The following MDN1 variants were observed in gnomAD, a reference collection of about 807,000 sequenced individuals.
MDN1 encodes midasin.
A neutral mutation model predicts 669.2 loss-of-function variants in MDN1; 266 were observed. The observed-to-expected ratio is 0.40, with a 90% confidence interval of 0.36 to 0.44. MDN1 has a LOEUF of 0.44. Among genes scored for constraint, MDN1 ranks in the 20% least tolerant of loss-of-function variants. MDN1 has a pLI of 1.00. For missense variants in MDN1, 5,940 were observed against 6,754.0 expected, an observed-to-expected ratio of 0.88 and a Z score of 4.22; for synonymous variants, 2,385 against 2,457.1, an observed-to-expected ratio of 0.97 and a Z score of 0.87.
intron 66 of MDN1, 119 bp from the exon 67 acceptor site, chr6:89,688,292 GAA>G: frequency 1.3e-6 from 1 of 798,814 alleles, no homozygotes; most frequent in Non-Finnish European, 1.9e-6. Context: ...AAACACCTCT[GAA>G]AAAAAAAACA....
chr6:89,687,868 A>G (rs1246201987), intron 67 of MDN1, among the ~76,000 whole-genome samples: 1 of 152,196 alleles, frequency 6.6e-6, no homozygotes, highest in Non-Finnish European at 1.5e-5. Context: ...TAGATACTGC[A>G]TCCCACTGGA....
chr6:89,743,169 CAG>C lies in MDN1; in HGVS notation c.4427_4428del (p.Ser1476CysfsTer10). On this transcript the variant is annotated frameshift_variant, in exon 31 of 102. Transcript: ENST00000369393. LOFTEE classifies it high-confidence loss of function. ...ACGTACCTGTTGAGTCTTTCCAAGA[CAG>C]AGTCATCGGCCAATGAGATCTCATC... Reference protein sequence around the residue: ...LLDEISLADDSVLERLNSVLE... With the variant: ...LLDEISLADDXVLERLNSVLE... The C allele has an allele frequency of 6.2e-7, 1 of 1,614,104 alleles. No homozygotes were observed. The highest frequency in any genetic ancestry group is 8.5e-7 in the Non-Finnish European group (1 of 1,180,012).
In MDN1 at chr6:89,668,143, G is replaced by A. The variant is rs1465399504; in HGVS notation, c.13965C>T (p.Cys4655=). 2.5e-6 allele frequency: 4 copies of A among 1,613,682 alleles called. No individual in the cohort carries two copies. The highest frequency in any genetic ancestry group is 3.4e-6 in the Non-Finnish European group (4 of 1,179,816). ...VFTELAQKGF[C]LPKEFMEDSA... Reference sequence around the variant, plus strand: ...AATCTTCCATAAATTCTTTGGGCAAGCAAAATCCCTTAGAAAAAAGAAAAA... The same window carrying A: ...AATCTTCCATAAATTCTTTGGGCAAACAAAATCCCTTAGAAAAAAGAAAAA... Residue 4655 remains cysteine, a synonymous_variant, in exon 84 of 102, where the codon TGC becomes TGT. Coordinates refer to ENST00000369393, the MANE Select transcript of MDN1 (RefSeq NM_014611.3).
intron 83 of MDN1, among the ~76,000 whole-genome samples, chr6:89,670,194 A>T (rs1810643765): frequency 4.9e-5 from 2 of 40,658 alleles, no homozygotes; most frequent in African/African-American, 2.5e-4. Context: ...TTTTTTTGAG[A>T]TGCAGTTTTG....
At chr6:89,712,554 C>T in intron 48 of MDN1, 21 bp downstream of exon 48, 28 of 1,607,036 alleles carry the variant, frequency 1.7e-5, no homozygotes, top group East Asian at 2.2e-5. Flanking sequence ...ACCAGAGACA[C>T]AAGCTGAAGG....
Position 89,810,888 on chromosome 6 carries a change from C to T in MDN1, c.103-7334G>A, listed in dbSNP as rs530117482. ...TGGCACACACCTGTAATCCCAGCTG[C>T]TGAGGCAGGAGAATTGCTTGAACCA... On this transcript the variant is annotated intron_variant, in intron 1 of 101. Transcript: ENST00000369393. Among the ~76,000 whole-genome samples the T allele has an allele frequency of 2.6e-5, 4 of 152,274 alleles. No homozygotes were observed. In the East Asian group the frequency reaches 5.8e-4, roughly 22 times the overall value.
intron 97 of MDN1, among the ~76,000 whole-genome samples, chr6:89,649,612 A>AC (rs1808714975): frequency 6.6e-6 from 1 of 152,238 alleles, no homozygotes; most frequent in South Asian, 2.1e-4. Flanking sequence ...CTAGATACCT[A>AC]CCTAAACTAT....
At position 89,668,047 on chromosome 6, in the gene MDN1, C is replaced by A. The variant is rs773202076; in HGVS notation, c.14061G>T (p.Lys4687Asn). 1.9e-6 allele frequency: 3 copies of A among 1,614,122 alleles called. No homozygotes were observed. The East Asian group carries it at 6.7e-5, about 36-fold the overall frequency. Reference protein sequence around the residue: ...GGGIGEGEGMKDVSDQIGNEE... With the variant: ...GGGIGEGEGMNDVSDQIGNEE... Reference sequence around the variant, plus strand: ...CATTTCCGATCTGGTCACTCACATCCTTCATGCCCTCGCCTTCTCCAATTC... The same window carrying A: ...CATTTCCGATCTGGTCACTCACATCATTCATGCCCTCGCCTTCTCCAATTC... Residue 4687 changes from lysine (K) to asparagine (N), a missense_variant, in exon 84 of 102, where the codon AAG (lysine) becomes AAT (asparagine). Physicochemically the swap from Lys to Asn is moderately conservative, Grantham distance 94. Coordinates refer to ENST00000369393, the MANE Select transcript of MDN1 (RefSeq NM_014611.3).
In MDN1 at chr6:89,744,174, T is replaced by C. The variant is rs185996238; in HGVS notation, c.4179-460A>G. Among the ~76,000 whole-genome samples, 67 of 149,218 alleles carry C rather than the reference T, an allele frequency of 4.5e-4. 1 individual carries two copies. In the East Asian group the frequency reaches 0.012, roughly 27 times the overall value. ...AAAAGAAATCTAATCCTTATAGACT[T>C]GACAGACTTTCAAGAGACACTAGTT... On this transcript the variant is annotated intron_variant, in intron 29 of 101. Coordinates refer to ENST00000369393, the MANE Select transcript of MDN1 (RefSeq NM_014611.3).
rs886229937 is a variant in MDN1 at position 89,713,450 on chromosome 6, G to A, written c.7070-154C>T. Among the ~76,000 whole-genome samples, 5 of 152,152 alleles carry A rather than the reference G, an allele frequency of 3.3e-5. No homozygotes were observed. In the East Asian group the frequency reaches 7.7e-4, roughly 24 times the overall value. Reference sequence around the variant, plus strand: ...TTCCAAGTAGACTCTAGAGTCCTCCGAGGGCACAAAGGACCTGTAGGAACC... The same window carrying A: ...TTCCAAGTAGACTCTAGAGTCCTCCAAGGGCACAAAGGACCTGTAGGAACC... On this transcript the variant is annotated intron_variant, in intron 46 of 101. Transcript: ENST00000369393.
At chr6:89,647,780 C>A (rs1168060512) in intron 99 of MDN1, among the ~76,000 whole-genome samples, 1 of 152,090 alleles carries the variant, frequency 6.6e-6, no homozygotes, top group Non-Finnish European at 1.5e-5. Context: ...CAAAGTGAGA[C>A]CCTGTCCCTA....
At chr6:89,774,207 C>A (rs1396635394) in intron 13 of MDN1, among the ~76,000 whole-genome samples, 1 of 152,160 alleles carries the variant, frequency 6.6e-6, no homozygotes, top group Middle Eastern at 3.2e-3. Flanking sequence ...ACAACCACTA[C>A]ATGAGAAAAT....
At chr6:89,699,959 G>A (rs1813031386) in intron 57 of MDN1, 104 bp downstream of exon 57, 1 of 1,212,692 alleles carries the variant, frequency 8.2e-7, no homozygotes, top group Non-Finnish European at 1.1e-6. Flanking sequence ...CTCTGCTTCG[G>A]TAACCATCCC....
chr6:89,643,106 G>C lies in MDN1; in HGVS notation c.*899C>G, dbSNP rs1051937241. ...CCTAAAGATCAGTTTCTTTCGACTG[G>C]AAAAAATAGATGGAGCTGCTGAGTT... On this transcript the variant is annotated 3_prime_UTR_variant, in exon 102 of 102. Transcript: ENST00000369393. The C allele has an allele frequency of 1.3e-5, 2 of 152,122 alleles. No individual in the cohort carries two copies. The highest frequency in any genetic ancestry group is 2.9e-5 in the Non-Finnish European group (2 of 68,030). The allele number at this position is 152,122 out of a possible 1,614,324, so 9.4% of individuals were successfully genotyped here.
intron 15 of MDN1, among the ~76,000 whole-genome samples, chr6:89,767,612 C>A (rs1817862491): frequency 6.6e-6 from 1 of 152,018 alleles, no homozygotes; most frequent in Admixed American, 6.6e-5. Context: ...ACAAAATTAT[C>A]CGACATGGTG....
In MDN1 at chr6:89,673,371, C is replaced by T. The variant is rs985035328; in HGVS notation, c.13339G>A (p.Gly4447Arg). The T allele has an allele frequency of 1.1e-5, 17 of 1,614,044 alleles. No individual in the cohort carries two copies. Among genetic ancestry groups the T allele is most frequent in the Middle Eastern group, 1.6e-4 (1 of 6,084 alleles). The change falls in exon 80 of 102, where the codon GGG becomes AGG. Residue 4447 changes from glycine to arginine, a missense_variant. Transcript: ENST00000369393. ...QGLESLFILPGMEVEQRDSQM... is the reference protein window; with the variant it reads ...QGLESLFILPRMEVEQRDSQM... The stretch of plus-strand genomic sequence containing the variant: ...GAGTCTCTTTGCTCAACCTCCATCC[C>T]TGGAAGAATGAACAAGGACTCTAGG...
chr6:89,654,176 T>G lies in MDN1; in HGVS notation c.15649A>C (p.Thr5217Pro). 1 of 1,614,214 alleles carries G rather than the reference T, an allele frequency of 6.2e-7. No individual in the cohort carries two copies. Among genetic ancestry groups the G allele is most frequent in the South Asian group, 1.1e-5 (1 of 91,086 alleles). ...LKPEEIKSGT[T>P]APLGFDEMEV... ...TAGCAGGACTCACCCAAGGGTGCTG[T>G]GGTGCCCGACTTGATTTCCTCTGGC... Residue 5217 changes from threonine to proline, a missense_variant, in exon 93 of 102, where the codon ACA (threonine) becomes CCA (proline). By Grantham distance (38) the Thr-to-Pro change is conservative. Around this residue, in one of 5 missense-constraint regions of MDN1, gnomAD observed 2,280 missense variants for 2,576.3 expected, o/e 0.88. Coordinates refer to ENST00000369393, the MANE Select transcript of MDN1 (RefSeq NM_014611.3).
At position 89,664,607 on chromosome 6, in the gene MDN1, C is replaced by A. The variant is rs757361813; in HGVS notation, c.14116G>T (p.Gly4706Cys). 1.9e-6 allele frequency: 3 copies of A among 1,611,070 alleles called. No individual in the cohort carries two copies. The highest frequency in any genetic ancestry group is 2.2e-5 in the South Asian group (2 of 90,782). The change falls in exon 85 of 102, where the codon GGT becomes TGT. Residue 4706 changes from glycine to cysteine, a missense_variant. Around this residue, in one of 5 missense-constraint regions of MDN1, gnomAD observed 2,280 missense variants for 2,576.3 expected, o/e 0.88. Transcript: ENST00000369393. ...EEQVEDTFQK[G>C]QEKDKEDPDS... ...GGATCCTCTTTGTCTTTTTCTTGAC[C>A]CTTCTGAAATGTATCTTCCACCTAC...
chr6:89,752,300 C>T (rs1816998237), intron 22 of MDN1, among the ~76,000 whole-genome samples: 1 of 152,092 alleles, frequency 6.6e-6, no homozygotes, highest in African/African-American at 2.4e-5. Flanking sequence ...CACCCTGAGG[C>T]ATACACACAC....
Sources: gnomAD v4.1 joint callset for allele counts (sites outside exome capture counted in the v4.1 genomes callset) on GRCh38, gnomAD v4.1.1 for gene constraint, gnomAD v4.1.1 regional missense constraint, MANE v1.5 for transcripts, NCBI Gene and HGNC (gene_info 2026-07-23, HGNC 2026-07-21) for gene names.